The following KDM7A variants were observed in gnomAD, a reference collection of about 807,000 sequenced individuals.
KDM7A encodes the protein lysine-specific demethylase 7A.
A neutral mutation model predicts 114.8 loss-of-function variants in KDM7A; 28 were observed. That is an observed-to-expected ratio of 0.24 (90% confidence interval 0.18 to 0.33). KDM7A has a LOEUF of 0.33. Among genes scored for constraint, KDM7A ranks in the 10% least tolerant of loss-of-function variants. The pLI, the probability that KDM7A is intolerant of heterozygous loss-of-function variation, is 1.00. For missense variants in KDM7A, 942 were observed against 1,142.5 expected, an observed-to-expected ratio of 0.82 and a Z score of 2.53; for synonymous variants, 423 against 397.8, an observed-to-expected ratio of 1.06 and a Z score of -0.75.
chr7:140,146,981 T>C (rs960966675), intron 1 of KDM7A, among the ~76,000 whole-genome samples: 2 of 152,158 alleles, frequency 1.3e-5, no homozygotes, highest in South Asian at 2.1e-4. Flanking sequence ...TGGACTTCAT[T>C]AGATATTCCT....
chr7:140,108,525 T>C (rs547304505), intron 11 of KDM7A, among the ~76,000 whole-genome samples: 4 of 152,304 alleles, frequency 2.6e-5, no homozygotes, highest in Non-Finnish European at 4.4e-5. Flanking sequence ...TGCAGGTCTG[T>C]TGGAATTTGC....
intron 9 of KDM7A, among the ~76,000 whole-genome samples, chr7:140,115,070 C>A (rs1022148462): frequency 6.6e-6 from 1 of 151,012 alleles, no homozygotes. Context: ...CCGCCCCATC[C>A]GGGAGGGAGG....
intron 7 of KDM7A, among the ~76,000 whole-genome samples, chr7:140,123,938 C>T (rs925736357): frequency 1.3e-5 from 2 of 151,766 alleles, no homozygotes; most frequent in East Asian, 1.9e-4. Flanking sequence ...GGCATGGTGG[C>T]GGGCGCCTGT....
chr7:140,164,317 C>T (rs537390672), intron 1 of KDM7A, among the ~76,000 whole-genome samples: 5 of 152,284 alleles, frequency 3.3e-5, no homozygotes, highest in South Asian at 4.1e-4. Flanking sequence ...CAGGGTTTCT[C>T]AACAACAACA....
chr7:140,175,109 CTGCTAAAGAT>C (rs1794687448), intron 1 of KDM7A, among the ~76,000 whole-genome samples: 1 of 152,142 alleles, frequency 6.6e-6, no homozygotes, highest in Admixed American at 6.5e-5. Context: ...ATATACAAGA[CTGCTAAAGAT>C]TATACGAAAC....
Position 140,168,418 on chromosome 7 carries a change from A to G in KDM7A, c.194+8326T>C, listed in dbSNP as rs373379839. ...CTGTTTCTACAAAAAAAATACAAAA[A>G]TTAGCCGGGCACAGTGGCACATGCC... On this transcript the variant is annotated intron_variant, in intron 1 of 19. Coordinates refer to ENST00000397560, the MANE Select transcript of KDM7A (RefSeq NM_030647.2). Among the ~76,000 whole-genome samples the G allele has an allele frequency of 1.8e-3, 275 of 152,204 alleles. 2 individuals are homozygous for G. The highest frequency in any genetic ancestry group is 0.011 in the South Asian group (55 of 4,824).
At chr7:140,161,544 G>T (rs1042120817) in intron 1 of KDM7A, among the ~76,000 whole-genome samples, 4 of 147,252 alleles carry the variant, frequency 2.7e-5, no homozygotes, top group African/African-American at 5.0e-5. Flanking sequence ...TCGTTTTTTT[G>T]TTTTTTTTTT....
At chr7:140,119,076 C>CATCAT in intron 9 of KDM7A, 37 bp downstream of exon 9, 1 of 1,196,900 alleles carries the variant, frequency 8.4e-7, no homozygotes. Context: ...AAACAATATG[C>CATCAT]ATCATATCAT....
intron 9 of KDM7A, among the ~76,000 whole-genome samples, chr7:140,115,232 C>CG (rs1818506779): frequency 6.6e-6 from 1 of 151,468 alleles, no homozygotes; most frequent in South Asian, 2.1e-4. Context: ...CGCCTCTGCC[C>CG]GGCCGCCCCT....
At chr7:140,092,166 G>T in intron 18 of KDM7A, 89 bp from the exon 19 acceptor site, 1 of 1,230,768 alleles carries the variant, frequency 8.1e-7, no homozygotes, top group Non-Finnish European at 1.2e-6. Context: ...TCAAGTGAGA[G>T]AAGAAACAAA....
At chr7:140,159,388 T>C (rs1462908288) in intron 1 of KDM7A, among the ~76,000 whole-genome samples, 1 of 148,354 alleles carries the variant, frequency 6.7e-6, no homozygotes. Flanking sequence ...AAAGGATATA[T>C]GCGTACAATT....
At position 140,170,466 on chromosome 7, in the gene KDM7A, C is replaced by T. The variant is rs147105677; in HGVS notation, c.194+6278G>A. Among the ~76,000 whole-genome samples, 523 of 152,328 alleles carry T rather than the reference C, an allele frequency of 3.4e-3. 2 individuals carry two copies. Among genetic ancestry groups the T allele is most frequent in the Non-Finnish European group, 5.4e-3 (364 of 68,014 alleles). ...GGAAGAGGAGACTCAGTACCATCTA[C>T]CCCCTTGACAGCATGAGCACCGGAG... On this transcript the variant is annotated intron_variant, in intron 1 of 19. Transcript: ENST00000397560.
intron 9 of KDM7A, among the ~76,000 whole-genome samples, chr7:140,117,634 A>C (rs1188958247): frequency 6.6e-6 from 1 of 152,010 alleles, no homozygotes; most frequent in Non-Finnish European, 1.5e-5. Flanking sequence ...TATTTCCACA[A>C]AACAAGGAAA....
At chr7:140,129,939 T>C (rs1585153813) in intron 3 of KDM7A, among the ~76,000 whole-genome samples, 1 of 152,166 alleles carries the variant, frequency 6.6e-6, no homozygotes, top group African/African-American at 2.4e-5. Context: ...TAGTAAAATA[T>C]GTACAAGTTG....
chr7:140,111,696 C>T (rs905674078), intron 10 of KDM7A, among the ~76,000 whole-genome samples: 5 of 152,192 alleles, frequency 3.3e-5, no homozygotes, highest in Admixed American at 1.3e-4. Flanking sequence ...CAGTGACTCA[C>T]GCCTGTAATC....
chr7:140,099,181 G>A (rs1179980410), intron 13 of KDM7A, 148 bp from the exon 14 acceptor site: 1 of 683,890 alleles, frequency 1.5e-6, no homozygotes, highest in African/African-American at 1.8e-5. Flanking sequence ...ATGCGCTAGG[G>A]ATCTGAGGTT....
chr7:140,138,098 C>T (rs1818898549), intron 2 of KDM7A, among the ~76,000 whole-genome samples: 1 of 152,074 alleles, frequency 6.6e-6, no homozygotes, highest in Non-Finnish European at 1.5e-5. Flanking sequence ...GAGTCTGAGG[C>T]AGAGTTCGAG....
intron 1 of KDM7A, among the ~76,000 whole-genome samples, chr7:140,162,403 T>C (rs1312435400): frequency 6.6e-6 from 1 of 152,108 alleles, no homozygotes; most frequent in Non-Finnish European, 1.5e-5. Context: ...AATTCCTATG[T>C]TTTGTGCTCA....
At chr7:140,124,574 A>G in intron 7 of KDM7A, 47 bp downstream of exon 7, 1 of 1,461,638 alleles carries the variant, frequency 6.8e-7, no homozygotes, top group Non-Finnish European at 9.3e-7. Flanking sequence ...AGCCAACTCC[A>G]TGTGACTATC....
Sources: gnomAD v4.1 joint callset for allele counts (sites outside exome capture counted in the v4.1 genomes callset) on GRCh38, gnomAD v4.1.1 for gene constraint, MANE v1.5 for transcripts, NCBI Gene and HGNC (gene_info 2026-07-23, HGNC 2026-07-21) for gene names.